Variants in ANGPT1 observed in about 807,000 individuals in gnomAD.
The protein encoded by ANGPT1 is angiopoietin 1, also known as angiopoietin-1.
ANGPT1 carries 17 observed loss-of-function variants against 62.2 expected under a neutral mutation model. The observed-to-expected ratio is 0.27, with a 90% confidence interval of 0.19 to 0.41. ANGPT1 has a LOEUF of 0.41. Among genes scored for constraint, ANGPT1 ranks in the 10% least tolerant of loss-of-function variants. ANGPT1 has a pLI of 1.00. For missense variants in ANGPT1, 478 were observed against 594.9 expected (o/e 0.80, Z 2.04); for synonymous variants, 199 against 198.9 (o/e 1.00, Z 0.00).
chr8:107,347,287 T>C (rs932345239), intron 1 of ANGPT1, among the ~76,000 whole-genome samples, 190 bp from the exon 2 acceptor site: 4 of 152,188 alleles, frequency 2.6e-5, no homozygotes, highest in African/African-American at 7.2e-5. Context: ...AAATTCCTAA[T>C]ATACTGATAC....
chr8:107,251,559 TC>T lies in ANGPT1; in HGVS notation c.*295del, dbSNP rs1479414834. On this transcript the variant is annotated 3_prime_UTR_variant, in exon 9 of 9. Transcript: ENST00000517746. ...TGGCTACCATAGTTCCAAAATAAGG[TC>T]CAGTAGTAGTTTGAAGCACAGCAAG... The T allele has an allele frequency of 1.7e-5, 5 of 295,884 alleles. No homozygotes were observed. The highest frequency in any genetic ancestry group is 1.1e-4 in the African/African-American group (5 of 46,878). 18.3% of individuals were successfully genotyped at this position (295,884 alleles called of 1,614,324 possible). A position where few individuals can be genotyped will look rare whatever the true frequency, so the allele number is the denominator to read the frequency against.
chr8:107,347,100 G>T lies in ANGPT1; in HGVS notation c.298-3C>A, dbSNP rs1000790025. The T allele has an allele frequency of 1.2e-6, 2 of 1,611,816 alleles. No homozygotes were observed. The highest frequency in any genetic ancestry group is 1.7e-6 in the Non-Finnish European group (2 of 1,178,742). ...TTTTCCACAATGTAATTCTCAAGCT[G>T]CAAGAGATAAAGAACAAAACATATT... On this transcript the variant is annotated splice_region_variant and splice_polypyrimidine_tract_variant and intron_variant, in intron 1 of 8. Coordinates refer to ENST00000517746, the MANE Select transcript of ANGPT1 (RefSeq NM_001146.5).
chr8:107,362,446 T>G (rs942783477), intron 1 of ANGPT1, among the ~76,000 whole-genome samples: 4 of 152,232 alleles, frequency 2.6e-5, no homozygotes, highest in Non-Finnish European at 5.9e-5. Flanking sequence ...TCAGAATTAC[T>G]TAGTACAAAC....
At chr8:107,289,477 A>G (rs1012862516) in intron 6 of ANGPT1, among the ~76,000 whole-genome samples, 1 of 152,166 alleles carries the variant, frequency 6.6e-6, no homozygotes, top group Non-Finnish European at 1.5e-5. Context: ...CACACAAATT[A>G]TTTAAAAAAT....
In ANGPT1 at chr8:107,378,911, A is replaced by AATAT. The variant is rs139171299; in HGVS notation, c.298-31818_298-31815dup. 5.3e-3 allele frequency among the ~76,000 whole-genome samples: 767 copies of AATAT among 143,554 alleles called. 7 individuals are homozygous for AATAT. Among genetic ancestry groups the AATAT allele is most frequent in the African/African-American group, 0.014 (566 of 39,816 alleles). 94.2% of individuals were successfully genotyped at this position (143,554 alleles called of 152,430 possible). On this transcript the variant is annotated intron_variant, in intron 1 of 8. Coordinates refer to ENST00000517746, the MANE Select transcript of ANGPT1 (RefSeq NM_001146.5). ...CTTTGTAACAGTGTGAAAATGAACA[A>AATAT]ATATATATATATATACACATACATA...
chr8:107,422,281 G>A (rs1270942223), intron 1 of ANGPT1, among the ~76,000 whole-genome samples: 2 of 152,152 alleles, frequency 1.3e-5, no homozygotes, highest in Non-Finnish European at 2.9e-5. Context: ...ACCTGGGAAA[G>A]AGGTATCACG....
At chr8:107,340,864 T>A (rs1008027024) in intron 2 of ANGPT1, among the ~76,000 whole-genome samples, 16 of 152,152 alleles carry the variant, frequency 1.1e-4, no homozygotes, top group African/African-American at 3.6e-4. Flanking sequence ...CCTTTTGCTT[T>A]ATTTTTTTTT....
At chr8:107,370,396 G>C (rs1263535054) in intron 1 of ANGPT1, among the ~76,000 whole-genome samples, 1 of 62,208 alleles carries the variant, frequency 1.6e-5, no homozygotes, top group Non-Finnish European at 4.1e-5. Flanking sequence ...AAGAAAGAAA[G>C]AAAGAAAGAA....
chr8:107,403,376 G>C (rs1227224635), intron 1 of ANGPT1, among the ~76,000 whole-genome samples: 1 of 152,124 alleles, frequency 6.6e-6, no homozygotes, highest in Non-Finnish European at 1.5e-5. Context: ...CTGAGAACGT[G>C]AATAACTGTT....
At chr8:107,267,310 A>G (rs1229889532) in intron 7 of ANGPT1, among the ~76,000 whole-genome samples, 3 of 152,316 alleles carry the variant, frequency 2.0e-5, no homozygotes, top group African/African-American at 7.2e-5. Context: ...AAAATATTGT[A>G]TGAATATATC....
chr8:107,496,057 G>A (rs1813085756), intron 1 of ANGPT1, among the ~76,000 whole-genome samples: 1 of 152,200 alleles, frequency 6.6e-6, no homozygotes, highest in Non-Finnish European at 1.5e-5. Context: ...ACCTAAGTGA[G>A]TGTGACCACA....
intron 1 of ANGPT1, among the ~76,000 whole-genome samples, chr8:107,402,239 C>G (rs1478209952): frequency 2.0e-5 from 3 of 152,136 alleles, no homozygotes; most frequent in African/African-American, 7.2e-5. Flanking sequence ...AAGGATGTTT[C>G]AGGTTGAGAT....
At chr8:107,465,478 T>C (rs1056996492) in intron 1 of ANGPT1, among the ~76,000 whole-genome samples, 3 of 152,172 alleles carry the variant, frequency 2.0e-5, no homozygotes, top group Non-Finnish European at 4.4e-5. Context: ...TATATTTTCA[T>C]GCACTTTGAT....
At position 107,359,014 on chromosome 8, in the gene ANGPT1, T is replaced by C. The variant is rs116795478; in HGVS notation, c.298-11917A>G. Among the ~76,000 whole-genome samples the C allele has an allele frequency of 6.7e-3, 1,022 of 152,314 alleles. 17 individuals are homozygous for C. Among genetic ancestry groups the C allele is most frequent in the African/African-American group, 0.023 (955 of 41,566 alleles). On this transcript the variant is annotated intron_variant, in intron 1 of 8. Transcript: ENST00000517746. Reference sequence around the variant, plus strand: ...GGTTTATATTCAAAATAATATACTGTCTGGTACACTTTCATGATGTACAAA... The same window carrying C: ...GGTTTATATTCAAAATAATATACTGCCTGGTACACTTTCATGATGTACAAA...
chr8:107,460,955 A>G (rs1812055095), intron 1 of ANGPT1, among the ~76,000 whole-genome samples: 1 of 152,136 alleles, frequency 6.6e-6, no homozygotes, highest in Non-Finnish European at 1.5e-5. Context: ...CTAACTCCAT[A>G]TATTGCCTCT....
intron 1 of ANGPT1, among the ~76,000 whole-genome samples, chr8:107,351,336 G>A (rs1205629338): frequency 6.6e-6 from 1 of 152,058 alleles, no homozygotes; most frequent in Non-Finnish European, 1.5e-5. Flanking sequence ...CTTGCAAGGA[G>A]AGAACTGATT....
At chr8:107,278,253 T>C (rs79173131) in intron 7 of ANGPT1, among the ~76,000 whole-genome samples, 51 of 152,112 alleles carry the variant, frequency 3.4e-4, no homozygotes, top group African/African-American at 1.2e-3. Flanking sequence ...TGTTTGTTTT[T>C]TTAATTTTTA....
rs78727333 is a variant in ANGPT1 at position 107,415,857 on chromosome 8, C to G, written c.298-68760G>C. On this transcript the variant is annotated intron_variant, in intron 1 of 8. Transcript: ENST00000517746. ...ATACTAGGTAGTCATGGAGGGCTCC[C>G]CCTTGCAAAGTAATTATAACGGAGC... 3.3e-3 allele frequency among the ~76,000 whole-genome samples: 508 copies of G among 152,174 alleles called. 2 individuals are homozygous for G. Among genetic ancestry groups the G allele is most frequent in the African/African-American group, 0.012 (478 of 41,528 alleles).
At chr8:107,433,089 A>C (rs985602931) in intron 1 of ANGPT1, among the ~76,000 whole-genome samples, 2 of 152,128 alleles carry the variant, frequency 1.3e-5, no homozygotes, top group Non-Finnish European at 2.9e-5. Context: ...TTTGTAAAAG[A>C]CTTTTTAAGC....
Sources: gnomAD v4.1 joint callset for allele counts (sites outside exome capture counted in the v4.1 genomes callset) on GRCh38, gnomAD v4.1.1 for gene constraint, MANE v1.5 for transcripts, NCBI Gene and HGNC (gene_info 2026-07-23, HGNC 2026-07-21) for gene names.